Variants in SYNE1 observed in about 807,000 individuals in gnomAD.
The protein encoded by SYNE1 is spectrin repeat containing nuclear envelope protein 1, also known as nesprin-1.
A neutral mutation model predicts 1,111.0 loss-of-function variants in SYNE1; 616 were observed. The ratio of observed to expected loss-of-function variants is 0.55; its 90% confidence interval spans 0.52 to 0.59. The LOEUF is 0.59. Among genes scored for constraint, SYNE1 ranks in the 20% least tolerant of loss-of-function variants. The pLI is 0.00. For synonymous variants in SYNE1, 3,855 were observed against 3,825.8 expected (o/e 1.01, Z -0.28); for missense variants, 10,006 against 10,417.0 (o/e 0.96, Z 1.72).
At chr6:152,227,811 G>A (rs1190589134) in intron 115 of SYNE1, among the ~76,000 whole-genome samples, 1 of 151,974 alleles carries the variant, frequency 6.6e-6, no homozygotes, top group Non-Finnish European at 1.5e-5. Context: ...GTTGGTAGAA[G>A]AGCAAAACCC....
chr6:152,125,360 A>C, intron 145 of SYNE1: 1 of 1,549,796 alleles, frequency 6.5e-7, no homozygotes, highest in Non-Finnish European at 8.7e-7. Context: ...GCCTCTGGTC[A>C]TAAGGCCTCA....
chr6:152,405,221 G>A (rs1177930036), intron 45 of SYNE1, among the ~76,000 whole-genome samples: 1 of 152,216 alleles, frequency 6.6e-6, no homozygotes, highest in Non-Finnish European at 1.5e-5. Context: ...GTAACATAAA[G>A]AACCCATCTC....
intron 26 of SYNE1, 67 bp downstream of exon 26, chr6:152,450,980 T>TAGTAATATCC (rs2098643550): frequency 6.2e-7 from 1 of 1,608,468 alleles, no homozygotes; most frequent in Admixed American, 1.7e-5. Context: ...ACCAAAATAT[T>TAGTAATATCC]AGTAATATCC....
chr6:152,289,429 G>A (rs1383023068), intron 95 of SYNE1, among the ~76,000 whole-genome samples: 3 of 152,132 alleles, frequency 2.0e-5, no homozygotes, highest in African/African-American at 4.8e-5. Context: ...TAGGGGGATG[G>A]AAGCTTGCTC....
At chr6:152,222,986 T>A (rs1160571387) in intron 117 of SYNE1, among the ~76,000 whole-genome samples, 5 of 152,210 alleles carry the variant, frequency 3.3e-5, no homozygotes, top group African/African-American at 9.6e-5. Context: ...GAAATAGTGC[T>A]GAGGTGACAG....
At chr6:152,465,129 T>C (rs1394765172) in intron 18 of SYNE1, 129 bp downstream of exon 18, 1 of 1,069,362 alleles carries the variant, frequency 9.4e-7, no homozygotes, top group African/African-American at 1.6e-5. Flanking sequence ...AAGTGCAACT[T>C]TTCAGGCAAA....
intron 15 of SYNE1, 32 bp from the exon 16 acceptor site, chr6:152,471,797 GTAAC>G: frequency 6.3e-7 from 1 of 1,595,946 alleles, no homozygotes; most frequent in Non-Finnish European, 8.6e-7. Flanking sequence ...TTTATAGAAT[GTAAC>G]TAATAGTAAC....
At chr6:152,262,568 C>G (rs928128687) in intron 100 of SYNE1, among the ~76,000 whole-genome samples, 2 of 152,040 alleles carry the variant, frequency 1.3e-5, no homozygotes, top group African/African-American at 4.8e-5. Context: ...ACACAGGACA[C>G]AGGAGGGCGG....
Position 152,430,616 on chromosome 6 carries a change from A to G in SYNE1, c.4555T>C (p.Ser1519Pro), listed in dbSNP as rs779059237. Residue 1519 changes from serine (S) to proline (P), a missense_variant, in exon 35 of 146, where the codon TCT (serine) becomes CCT (proline). Physicochemically the swap from Ser to Pro is moderately conservative, Grantham distance 74 (BLOSUM62 -1). Coordinates refer to ENST00000367255, the MANE Select transcript of SYNE1 (RefSeq NM_182961.4). The stretch of plus-strand genomic sequence containing the variant: ...GTCAACTTGGCTTTAATTCGAGCAG[A>G]TTCTCCAGTGGTAACAAACTGAGCA... ...SFAQFVTTGE[S>P]ARIKAKLTQI... 4.3e-6 allele frequency: 7 copies of G among 1,614,014 alleles called. No individual in the cohort carries two copies. The highest frequency in any genetic ancestry group is 1.3e-5 in the African/African-American group (1 of 74,922).
Position 152,309,933 on chromosome 6 carries a change from C to T in SYNE1, c.17104G>A (p.Val5702Met). The T allele has an allele frequency of 6.2e-7, 1 of 1,614,204 alleles. No individual in the cohort carries two copies. Among genetic ancestry groups the T allele is most frequent in the Non-Finnish European group, 8.5e-7 (1 of 1,180,052 alleles). ...CQSALRIPED[V>M]VASLPLCHAA... ...TGACAGAGAGGTAAGCTGGCAACCA[C>T]ATCCTCGGGGATCCGGAGGGCACTC... The change falls in exon 90 of 146, where the codon GTG (valine) becomes ATG (methionine). Residue 5702 changes from valine to methionine, a missense_variant. Val to Met is a conservative substitution (Grantham distance 21). Transcript: ENST00000367255.
At chr6:152,418,428 A>C (rs1226703758) in intron 40 of SYNE1, among the ~76,000 whole-genome samples, 1 of 152,210 alleles carries the variant, frequency 6.6e-6, no homozygotes, top group East Asian at 1.9e-4. Context: ...CCACAGAACC[A>C]ATTAGTCAAC....
At chr6:152,508,092 G>C (rs1364268180) in intron 8 of SYNE1, among the ~76,000 whole-genome samples, 1 of 152,136 alleles carries the variant, frequency 6.6e-6, no homozygotes, top group Non-Finnish European at 1.5e-5. Flanking sequence ...AATGGATACA[G>C]ATTCTAAAGT....
At position 152,359,407 on chromosome 6, in the gene SYNE1, C is replaced by T. The variant is rs2096894168; in HGVS notation, c.10351G>A (p.Val3451Ile). 6.2e-7 allele frequency: 1 copy of T among 1,614,058 alleles called. No individual in the cohort carries two copies. Among genetic ancestry groups the T allele is most frequent in the Non-Finnish European group, 8.5e-7 (1 of 1,180,044 alleles). ...TGTTCTGTCATGCCAGCCCCTTTGA[C>T]TTCGATGGTCTCCAGCAAGCTGCTG... The part of the protein sequence containing the change: ...SYSSLLETIE[V>I]KGAGMTEHYV... The change falls in exon 65 of 146, where the codon GTC (valine) becomes ATC (isoleucine). Residue 3451 changes from valine (V) to isoleucine (I), a missense_variant. Transcript: ENST00000367255.
chr6:152,549,805 C>T (rs1299043060), intron 3 of SYNE1, among the ~76,000 whole-genome samples: 1 of 151,928 alleles, frequency 6.6e-6, no homozygotes, highest in African/African-American at 2.4e-5. Context: ...ACTTACATTG[C>T]TCTTAAGACT....
In SYNE1 at chr6:152,213,538, C is replaced by A. The variant is rs1316385265; in HGVS notation, c.22494+74G>T. On this transcript the variant is annotated intron_variant, in intron 123 of 145. Transcript: ENST00000367255. ...GCAAAGGGCATGATTTTAATTCTCCCACACAGCATTTCGTAGCATCTTCTA... is the reference window on the plus strand; with the variant it reads ...GCAAAGGGCATGATTTTAATTCTCCAACACAGCATTTCGTAGCATCTTCTA... 5 of 1,525,704 alleles carry A rather than the reference C, an allele frequency of 3.3e-6. No homozygotes were observed. In the East Asian group the frequency reaches 1.1e-4, roughly 34 times the overall value. The allele number at this position is 1,525,704 out of a possible 1,614,324, so 94.5% of individuals were successfully genotyped here. A position where few individuals can be genotyped will look rare whatever the true frequency, so the allele number is the denominator to read the frequency against.
rs66815986 is a variant in SYNE1, at chr6:152,628,044, C to CAA, written c.67+219_67+220dup. 1.5e-4 allele frequency among the ~76,000 whole-genome samples: 16 copies of CAA among 103,348 alleles called. 1 individual carries two copies. The highest frequency in any genetic ancestry group is 6.1e-4 in the African/African-American group (16 of 26,340). The allele number at this position is 103,348 out of a possible 152,430, so 67.8% of individuals were successfully genotyped here. ...ACATGCTAATGCAGACACAAAATTA[C>CAA]AAAAAAAAAAAAAAAAGCTGTATTT... On this transcript the variant is annotated intron_variant, in intron 3 of 145. Coordinates refer to ENST00000367255, the MANE Select transcript of SYNE1 (RefSeq NM_182961.4).
chr6:152,549,442 T>A, intron 3 of SYNE1, among the ~76,000 whole-genome samples: 1 of 152,322 alleles, frequency 6.6e-6, no homozygotes, highest in Non-Finnish European at 1.5e-5. Flanking sequence ...GGCATTTACA[T>A]GTGTGGGGGG....
Position 152,206,395 on chromosome 6 carries a change from T to C in SYNE1, c.22825-33A>G, listed in dbSNP as rs781619432. ...GAACCATAGCTTTTTATTTTCTCATTCTTTCTTTCATCGTTTCCTTCCCAT... is the reference window on the plus strand; with the variant it reads ...GAACCATAGCTTTTTATTTTCTCATCCTTTCTTTCATCGTTTCCTTCCCAT... On this transcript the variant is annotated intron_variant, in intron 125 of 145. Transcript: ENST00000367255. 12 of 1,611,408 alleles carry C rather than the reference T, an allele frequency of 7.4e-6. No homozygotes were observed. In the South Asian group the frequency reaches 1.3e-4, roughly 18 times the overall value.
At chr6:152,131,416 A>C (rs113511263) in intron 144 of SYNE1, among the ~76,000 whole-genome samples, 6 of 152,294 alleles carry the variant, frequency 3.9e-5, no homozygotes, top group African/African-American at 1.2e-4. Flanking sequence ...AATGAAATCA[A>C]AACTTCTAAA....
Sources: allele counts gnomAD v4.1 joint callset (sites outside exome capture counted in the v4.1 genomes callset), GRCh38; gene constraint gnomAD v4.1.1; transcripts MANE v1.5; gene names NCBI Gene and HGNC (gene_info 2026-07-23, HGNC 2026-07-21).